Variants in VIM observed in about 807,000 individuals in gnomAD.
VIM encodes vimentin, also known as epididymis secretory sperm binding protein.
In VIM, 18 loss-of-function variants were observed where a neutral mutation model predicts 50.3. The ratio of observed to expected loss-of-function variants is 0.36; its 90% CI spans 0.25 to 0.53. The LOEUF is 0.53. Among genes scored for constraint, VIM ranks in the 20% least tolerant of loss-of-function variants. VIM has a pLI of 0.91. For synonymous variants in VIM, 245 were observed against 248.5 expected (o/e 0.99, Z 0.13); for missense variants, 551 against 614.7 (o/e 0.90, Z 1.10).
chr10:17,228,438 C>A lies in VIM; in HGVS notation c.-234C>A, dbSNP rs1846716973. ...TAGCACTGAGAACTAGCAGCGCGCG[C>A]GGAGCCCGCTGAGACTTGAATCAAT... On this transcript the variant is annotated 5_prime_UTR_variant, in exon 1 of 10. Coordinates refer to ENST00000544301, the MANE Select transcript of VIM (RefSeq NM_003380.5). 6.6e-6 allele frequency: 1 copy of A among 152,286 alleles called. No homozygotes were observed. Among genetic ancestry groups the A allele is most frequent in the African/African-American group, 2.4e-5 (1 of 41,448 alleles). The allele number at this position is 152,286 out of a possible 1,614,324, so 9.4% of individuals were successfully genotyped here.
At chr10:17,234,084 C>A in intron 5 of VIM, 153 bp downstream of exon 5, 3 of 809,750 alleles carry the variant, frequency 3.7e-6, no homozygotes, top group South Asian at 1.5e-5. Flanking sequence ...AGCCTCCCCA[C>A]CACTCACATC....
intron 8 of VIM, 74 bp downstream of exon 8, chr10:17,235,963 T>G: frequency 2.0e-6 from 3 of 1,481,572 alleles, no homozygotes; most frequent in Non-Finnish European, 2.8e-6. Context: ...AGCATTCATT[T>G]TTTTTAGGAT....
At position 17,229,873 on chromosome 10, in the gene VIM, G is replaced by C. The variant is rs121917775; in HGVS notation, c.451G>C (p.Glu151Gln). Residue 151 changes from glutamate (E) to glutamine (Q), a missense_variant, in exon 2 of 10, where the codon GAG becomes CAG. Glu to Gln is a conservative substitution (Grantham distance 29). This residue lies in a region of VIM where 394 missense variants were observed against 437.5 expected (regional missense o/e 0.90). Coordinates refer to ENST00000544301, the MANE Select transcript of VIM (RefSeq NM_003380.5). ...CAAGTCGCGCCTGGGGGACCTCTAC[G>C]AGGAGGAGATGCGGGAGCTGCGCCG... is the stretch of plus-strand genomic sequence containing the variant. ...QGKSRLGDLY[E>Q]EEMRELRRQV... 1 of 1,610,420 alleles carries C rather than the reference G, an allele frequency of 6.2e-7. No homozygotes were observed. The highest frequency in any genetic ancestry group is 1.3e-5 in the African/African-American group (1 of 74,910).
At chr10:17,234,582 A>G (rs1846853632) in intron 5 of VIM, 111 bp from the exon 6 acceptor site, 2 of 1,539,122 alleles carry the variant, frequency 1.3e-6, no homozygotes. Flanking sequence ...TTCAAAACAG[A>G]AATTTAAACC....
In VIM at chr10:17,229,741, C is replaced by T. The variant is rs867113544; in HGVS notation, c.319C>T (p.Leu107=). 1 of 1,584,398 alleles carries T rather than the reference C, an allele frequency of 6.3e-7. No homozygotes were observed. Among genetic ancestry groups the T allele is most frequent in the Non-Finnish European group, 8.6e-7 (1 of 1,164,418 alleles). ...KNTRTNEKVE[L]QELNDRFANY... is the part of the protein sequence containing the mutation. Reference sequence around the variant, plus strand: ...CACCCGCACCAACGAGAAGGTGGAGCTGCAGGAGCTGAATGACCGCTTCGC... The same window carrying T: ...CACCCGCACCAACGAGAAGGTGGAGTTGCAGGAGCTGAATGACCGCTTCGC... Residue 107 remains leucine, a synonymous_variant, in exon 2 of 10, where the codon CTG becomes TTG. Coordinates refer to ENST00000544301, the MANE Select transcript of VIM (RefSeq NM_003380.5).
intron 8 of VIM, 166 bp from the exon 9 acceptor site, chr10:17,236,128 C>A: frequency 1.3e-6 from 1 of 746,226 alleles, no homozygotes; most frequent in Non-Finnish European, 2.3e-6. Context: ...TCAAGAGTGT[C>A]AGGGCCTGGG....
chr10:17,235,822 C>T, intron 7 of VIM, 24 bp from the exon 8 acceptor site: 13 of 1,612,292 alleles, frequency 8.1e-6, no homozygotes, highest in Non-Finnish European at 1.1e-5. Flanking sequence ...AACAATTTTA[C>T]TGTTTCTCTT....
In VIM at chr10:17,229,502, G is replaced by C. The variant is rs1356941925; in HGVS notation, c.80G>C (p.Ser27Thr). ...GGCACCGCGAGCCGGCCGAGCTCCA[G>C]CCGGAGCTACGTGACTACGTCCACC... Reference protein sequence around the residue: ...GPGTASRPSSSRSYVTTSTRT... With the variant: ...GPGTASRPSSTRSYVTTSTRT... The change falls in exon 2 of 10, where the codon AGC (serine) becomes ACC (threonine). Residue 27 changes from serine (S) to threonine (T), a missense_variant. This residue lies in a region of VIM where 134 missense variants were observed against 126.4 expected (regional missense o/e 1.06). Transcript: ENST00000544301. 5 of 1,607,928 alleles carry C rather than the reference G, an allele frequency of 3.1e-6. No individual in the cohort carries two copies. The South Asian group carries it at 5.5e-5, about 18-fold the overall frequency.
chr10:17,230,098 G>A (rs1846759055), intron 2 of VIM, 113 bp downstream of exon 2: 2 of 1,331,020 alleles, frequency 1.5e-6, no homozygotes, highest in Non-Finnish European at 2.0e-6. Context: ...TGGCCGGGGG[G>A]AGGCCTGCCA....
chr10:17,235,610 C>T, intron 7 of VIM: 1 of 696,762 alleles, frequency 1.4e-6, no homozygotes, highest in Non-Finnish European at 2.4e-6. Flanking sequence ...ATAACTCTGT[C>T]AAAGCCTCCA....
rs531588660 is a variant in VIM at position 17,235,216 on chromosome 10, C to T, written c.1056C>T (p.Ala352=). Residue 352 remains alanine (A), a synonymous_variant, in exon 7 of 10, where the codon GCC becomes GCT. Coordinates refer to ENST00000544301, the MANE Select transcript of VIM (RefSeq NM_003380.5). ...TGCGTGAAATGGAAGAGAACTTTGC[C>T]GTTGAAGCTGCTAACTACCAAGACA... ...RQMREMEENF[A]VEAANYQDTI... 4.4e-5 allele frequency: 71 copies of T among 1,614,170 alleles called. No individual in the cohort carries two copies. Among genetic ancestry groups the T allele is most frequent in the Non-Finnish European group, 5.7e-5 (67 of 1,180,036 alleles).
intron 7 of VIM, 51 bp downstream of exon 7, chr10:17,235,440 C>A (rs760474175): frequency 5.7e-6 from 9 of 1,582,822 alleles, no homozygotes; most frequent in East Asian, 4.5e-5. Context: ...ATTTGTTAGG[C>A]CCTGTGCCAC....
chr10:17,230,349 G>T (rs2131680181), intron 2 of VIM: 1 of 570,288 alleles, frequency 1.8e-6, no homozygotes, highest in East Asian at 3.0e-5. Flanking sequence ...CAATCACCGG[G>T]CGGGAGAAGG....
chr10:17,231,491 A>G (rs1407397091), intron 3 of VIM, among the ~76,000 whole-genome samples: 2 of 152,216 alleles, frequency 1.3e-5, no homozygotes, highest in African/African-American at 4.8e-5. Context: ...TTGTATTCCC[A>G]GGGAAGCTTT....
rs1588737391 is a variant in VIM, at chr10:17,237,381, A to G, written c.*110A>G. On this transcript the variant is annotated 3_prime_UTR_variant, in exon 10 of 10. Coordinates refer to ENST00000544301, the MANE Select transcript of VIM (RefSeq NM_003380.5). ...CTTTCTGCAGTTTTTCAGGAGCGCA[A>G]GATAGATTTGGAATAGGAATAAGCT... 2 of 1,080,736 alleles carry G rather than the reference A, an allele frequency of 1.9e-6. No homozygotes were observed. Among genetic ancestry groups the G allele is most frequent in the South Asian group, 1.4e-5 (1 of 70,438 alleles). The allele number at this position is 1,080,736 out of a possible 1,614,324, so 66.9% of individuals were successfully genotyped here. A position where few individuals can be genotyped will look rare whatever the true frequency, so the allele number is the denominator to read the frequency against.
At position 17,229,661 on chromosome 10, in the gene VIM, T is replaced by G. The variant is rs1846746781; in HGVS notation, c.239T>G (p.Leu80Arg). The change falls in exon 2 of 10, where the codon CTG (leucine) becomes CGG (arginine). Residue 80 changes from leucine to arginine, a missense_variant. Transcript: ENST00000544301. ...LRSSVPGVRL[L>R]QDSVDFSLAD... ...AGCAGCGTGCCCGGGGTGCGGCTCC[T>G]GCAGGACTCGGTGGACTTCTCGCTG... 6.4e-7 allele frequency: 1 copy of G among 1,562,050 alleles called. No homozygotes were observed. The highest frequency in any genetic ancestry group is 1.9e-5 in the Admixed American group (1 of 52,354).
rs1227947811 is a variant in VIM at position 17,228,251 on chromosome 10, C to CAAAAGCCTTT, written c.-421_-420insAAAAGCCTTT. 1.3e-5 allele frequency: 2 copies of CAAAAGCCTTT among 152,202 alleles called. No homozygotes were observed. Among genetic ancestry groups the CAAAAGCCTTT allele is most frequent in the Admixed American group, 1.3e-4 (2 of 15,278 alleles). The allele number at this position is 152,202 out of a possible 1,614,324, so 9.4% of individuals were successfully genotyped here. On this transcript the variant is annotated 5_prime_UTR_variant, in exon 1 of 10. Coordinates refer to ENST00000544301, the MANE Select transcript of VIM (RefSeq NM_003380.5). The stretch of plus-strand genomic sequence containing the variant: ...GTGCAATCGTGATCTGGGAGGCCCA[C>CAAAAGCCTTT]GTATGGCGCCTCTCCAAAGGCTGCA...
Position 17,233,829 on chromosome 10 carries a change from T to C in VIM, c.780T>C (p.Val260=). 6.2e-7 allele frequency: 1 copy of C among 1,614,188 alleles called. No homozygotes were observed. The highest frequency in any genetic ancestry group is 1.1e-5 in the South Asian group (1 of 91,082). Residue 260 remains valine, a synonymous_variant, in exon 5 of 10, where the codon GTT becomes GTC. Coordinates refer to ENST00000544301, the MANE Select transcript of VIM (RefSeq NM_003380.5). ...QEQHVQIDVD[V]SKPDLTAALR... is the part of the protein sequence containing the mutation. ...AGCATGTCCAAATCGATGTGGATGTTTCCAAGCCTGACCTCACGGCTGCCC... is the reference window on the plus strand; with the variant it reads ...AGCATGTCCAAATCGATGTGGATGTCTCCAAGCCTGACCTCACGGCTGCCC...
chr10:17,231,017 G>A (rs1490373098), intron 3 of VIM: 2 of 371,706 alleles, frequency 5.4e-6, no homozygotes, highest in South Asian at 5.0e-5. Context: ...ATCCTTGAAT[G>A]ATTTCTAAGC....
Sources: gnomAD v4.1 joint callset for allele counts (sites outside exome capture counted in the v4.1 genomes callset) on GRCh38, gnomAD v4.1.1 for gene constraint, gnomAD v4.1.1 regional missense constraint, MANE v1.5 for transcripts, NCBI Gene and HGNC (gene_info 2026-07-23, HGNC 2026-07-21) for gene names.